S100PBP: variants seen among roughly 807,000 people sequenced by gnomAD.
S100PBP encodes S100P-binding protein.
In S100PBP, 15 loss-of-function variants were observed where a neutral mutation model predicts 39.9. The ratio of observed to expected loss-of-function variants is 0.38; its 90% confidence interval spans 0.25 to 0.58. The LOEUF (loss-of-function observed/expected upper bound fraction) is 0.58, where lower values mean the gene tolerates loss of function less well. Ranked by LOEUF, S100PBP falls within the 20% of genes least tolerant of loss-of-function variation. S100PBP has a pLI of 0.70. For synonymous variants in S100PBP, 178 were observed against 180.3 expected, an observed-to-expected ratio of 0.99 and a Z score of 0.10; for missense variants, 504 against 487.3, an observed-to-expected ratio of 1.03 and a Z score of -0.32.
intron 6 of S100PBP, among the ~76,000 whole-genome samples, chr1:32,853,491 GGT>G (rs1460248144): frequency 0.013 from 238 of 18,312 alleles, no homozygotes; most frequent in Middle Eastern, 0.038. Flanking sequence ...AAGAAAAGGC[GGT>G]GGGGGGGGGG....
At chr1:32,817,085 G>T, upstream of S100PBP, 2 of 1,450,862 alleles carry the variant, frequency 1.4e-6, no homozygotes, top group Non-Finnish European at 1.9e-6. Flanking sequence ...CGCCAGCGCC[G>T]AGTCCCCGGC....
intron 5 of S100PBP, among the ~76,000 whole-genome samples, chr1:32,849,716 ATT>A (rs948164283): frequency 6.6e-6 from 1 of 152,182 alleles, no homozygotes; most frequent in African/African-American, 2.4e-5. Flanking sequence ...TGGCTATATG[ATT>A]TTTACTTTCT....
At position 32,856,097 on chromosome 1, in the gene S100PBP, T is replaced by C; in HGVS notation, c.*59T>C. 2 of 1,091,096 alleles carry C rather than the reference T, an allele frequency of 1.8e-6. No individual in the cohort carries two copies. The highest frequency in any genetic ancestry group is 1.6e-5 in the African/African-American group (1 of 64,136). 67.6% of individuals were successfully genotyped at this position (1,091,096 alleles called of 1,614,324 possible). Reference sequence around the variant, plus strand: ...TCCAGGGTCCTGCTTGGAGCAGCATTTCATGTTCTTTTGCTGTTTTGTGCT... The same window carrying C: ...TCCAGGGTCCTGCTTGGAGCAGCATCTCATGTTCTTTTGCTGTTTTGTGCT... On this transcript the variant is annotated 3_prime_UTR_variant, in exon 7 of 7. Coordinates refer to ENST00000373475, the MANE Select transcript of S100PBP (RefSeq NM_022753.4).
At chr1:32,817,137 A>G, upstream of S100PBP, 1 of 1,609,884 alleles carries the variant, frequency 6.2e-7, no homozygotes, top group Non-Finnish European at 8.5e-7. Context: ...AAAATCACTG[A>G]ACCTCGGGCT....
intron 5 of S100PBP, among the ~76,000 whole-genome samples, chr1:32,831,682 GA>G (rs1239424503): frequency 6.6e-6 from 1 of 151,940 alleles, no homozygotes; most frequent in Admixed American, 6.6e-5. Context: ...AGGTCTGATA[GA>G]AGTAGAGAAA....
At chr1:32,820,539 G>A (rs890995324) in intron 1 of S100PBP, 1 of 152,162 alleles carries the variant, frequency 6.6e-6, no homozygotes, top group Middle Eastern at 3.2e-3. Context: ...CTTATGCCAT[G>A]CCTCTAGTGT....
chr1:32,852,995 C>T (rs1445052987), intron 5 of S100PBP, 84 bp from the exon 6 acceptor site: 1 of 910,792 alleles, frequency 1.1e-6, no homozygotes, highest in Admixed American at 1.8e-5. Context: ...TGCCTGTTTT[C>T]TCTTTCCCTG....
At chr1:32,833,736 T>G (rs1027991273) in intron 5 of S100PBP, among the ~76,000 whole-genome samples, 7 of 152,130 alleles carry the variant, frequency 4.6e-5, no homozygotes, top group Admixed American at 4.6e-4. Flanking sequence ...CACCTATAAA[T>G]CTATCCTGCC....
At chr1:32,850,807 T>G (rs1208095425) in intron 5 of S100PBP, among the ~76,000 whole-genome samples, 1 of 152,252 alleles carries the variant, frequency 6.6e-6, no homozygotes, top group Non-Finnish European at 1.5e-5. Context: ...AAAAGTGTTA[T>G]GGTTAGAAAA....
At chr1:32,844,832 T>G (rs1480379612) in intron 5 of S100PBP, among the ~76,000 whole-genome samples, 1 of 151,240 alleles carries the variant, frequency 6.6e-6, no homozygotes, top group African/African-American at 2.4e-5. Context: ...TATCTATATA[T>G]ATATATCTTT....
chr1:32,832,819 A>C (rs1639658547), intron 5 of S100PBP, among the ~76,000 whole-genome samples: 1 of 152,206 alleles, frequency 6.6e-6, no homozygotes, highest in Non-Finnish European at 1.5e-5. Context: ...GTAGATTCAA[A>C]TGTAGTTCTT....
At chr1:32,838,995 G>A (rs6425802) in intron 5 of S100PBP, among the ~76,000 whole-genome samples, 126,153 of 152,084 alleles carry the variant, frequency 0.83, 53,039 homozygotes, top group East Asian at 1. Context: ...AGGTCTTGCT[G>A]TATTTCCCAG....
At chr1:32,828,141 C>A in intron 4 of S100PBP, 60 bp downstream of exon 4, 1 of 1,248,694 alleles carries the variant, frequency 8.0e-7, no homozygotes, top group Non-Finnish European at 1.2e-6. Context: ...TTTCTTTCTT[C>A]CCCTCTCCAG....
At chr1:32,819,397 ATCTC>A (rs1638937585) in intron 1 of S100PBP, among the ~76,000 whole-genome samples, 1 of 152,080 alleles carries the variant, frequency 6.6e-6, no homozygotes, top group Non-Finnish European at 1.5e-5. Flanking sequence ...GCAAAACCCC[ATCTC>A]TACTGTAAAT....
intron 5 of S100PBP, chr1:32,843,117 C>T (rs879477789): frequency 3.9e-5 from 6 of 152,156 alleles, no homozygotes; most frequent in Non-Finnish European, 8.8e-5. Context: ...CTTGGTCTTA[C>T]ATTCTATAAC....
intron 5 of S100PBP, among the ~76,000 whole-genome samples, chr1:32,848,748 G>A (rs1640487972): frequency 6.6e-6 from 1 of 152,186 alleles, no homozygotes; most frequent in African/African-American, 2.4e-5. Flanking sequence ...ACTAAGAACA[G>A]TTATTAAACT....
intron 5 of S100PBP, 36 bp from the exon 6 acceptor site, chr1:32,853,043 C>T: frequency 6.8e-7 from 1 of 1,465,498 alleles, no homozygotes; most frequent in South Asian, 1.1e-5. Context: ...GTAGTTCACT[C>T]AGCTGTTCCT....
Position 32,826,137 on chromosome 1 carries a change from G to A in S100PBP, c.38G>A (p.Gly13Asp). ...CGGGTGCCCTCTGAACAGTCTTCTG[G>A]TACCTCTCTCTTGCCTAAAGACGGT... Reference protein sequence around the residue: ...CSRVPSEQSSGTSLLPKDGAP... With the variant: ...CSRVPSEQSSDTSLLPKDGAP... Residue 13 changes from glycine (G) to aspartate (D), a missense_variant, in exon 3 of 7, where the codon GGT (glycine) becomes GAT (aspartate). By Grantham distance (94) the Gly-to-Asp change is moderately conservative (BLOSUM62 -1). Transcript: ENST00000373475. 6.2e-7 allele frequency: 1 copy of A among 1,613,836 alleles called. No individual in the cohort carries two copies. Among genetic ancestry groups the A allele is most frequent in the South Asian group, 1.1e-5 (1 of 91,060 alleles).
chr1:32,835,886 AC>A (rs1639795672), intron 5 of S100PBP: 1 of 151,890 alleles, frequency 6.6e-6, no homozygotes, highest in Non-Finnish European at 1.5e-5. Context: ...GGTTGCTTCC[AC>A]TTCTTGGCTA....
Sources: allele counts gnomAD v4.1 joint callset (sites outside exome capture counted in the v4.1 genomes callset), GRCh38; gene constraint gnomAD v4.1.1; transcripts MANE v1.5; gene names NCBI Gene and HGNC (gene_info 2026-07-23, HGNC 2026-07-21).